Variants in ASIC2 observed in about 807,000 individuals in gnomAD.
ASIC2 encodes acid sensing ion channel subunit 2.
ASIC2 carries 25 observed loss-of-function variants against 57.3 expected under a neutral mutation model. The ratio of observed to expected loss-of-function variants is 0.44; its 90% confidence interval spans 0.32 to 0.61. ASIC2 has a LOEUF of 0.61. Among genes scored for constraint, ASIC2 ranks in the 20% least tolerant of loss-of-function variants. ASIC2 has a pLI of 0.06. For synonymous variants in ASIC2, 319 were observed against 307.5 expected (o/e 1.04, Z -0.39); for missense variants, 641 against 738.1 (o/e 0.87, Z 1.52).
intron 1 of ASIC2, among the ~76,000 whole-genome samples, chr17:33,646,837 C>T (rs1906757337): frequency 6.6e-6 from 1 of 151,668 alleles, no homozygotes; most frequent in Non-Finnish European, 1.5e-5. Flanking sequence ...GGCAGAGTGA[C>T]AGAGTAAAGT....
At chr17:33,997,358 T>C (rs1906197936) in intron 1 of ASIC2, among the ~76,000 whole-genome samples, 1 of 136,284 alleles carries the variant, frequency 7.3e-6, no homozygotes, top group South Asian at 2.3e-4. Flanking sequence ...TTCGCCATGT[T>C]GCCCAGGGTG....
rs149883379 is a variant in ASIC2 at position 33,140,858 on chromosome 17, A to C, written c.709-28791T>G. Among the ~76,000 whole-genome samples the C allele has an allele frequency of 5.3e-3, 810 of 152,388 alleles. 8 individuals are homozygous for C. The highest frequency in any genetic ancestry group is 6.8e-3 in the Non-Finnish European group (463 of 68,036). On this transcript the variant is annotated intron_variant, in intron 1 of 9. Coordinates refer to ENST00000225823, the MANE Select transcript of ASIC2 (RefSeq NM_183377.2). ...TGTTAAGCCCAGCCAGGGCTGCCTC[A>C]GTGAATGGGGCTCCCCTGGGGCACA... is the stretch of plus-strand genomic sequence containing the variant.
chr17:33,097,331 G>A (rs569815585), intron 2 of ASIC2, among the ~76,000 whole-genome samples: 44 of 152,332 alleles, frequency 2.9e-4, no homozygotes, highest in African/African-American at 1.0e-3. Context: ...CCTGAGGCAG[G>A]TGTCAATATC....
intron 1 of ASIC2, among the ~76,000 whole-genome samples, chr17:33,974,647 T>TCCATCCAC (rs1555576614): frequency 6.6e-5 from 10 of 151,466 alleles, no homozygotes; most frequent in African/African-American, 1.9e-4. Flanking sequence ...CATCCATCCA[T>TCCATCCAC]AGAGCCCTGC....
intron 1 of ASIC2, among the ~76,000 whole-genome samples, chr17:33,902,472 T>C (rs142383732): frequency 1.3e-5 from 2 of 152,328 alleles, no homozygotes; most frequent in East Asian, 1.9e-4. Flanking sequence ...TGTTTTAAAG[T>C]AGATATCAAA....
chr17:33,791,411 T>G (rs1041296877), intron 1 of ASIC2, among the ~76,000 whole-genome samples: 1 of 152,152 alleles, frequency 6.6e-6, no homozygotes, highest in Admixed American at 6.5e-5. Context: ...ATAGATTCCT[T>G]TTGCTGTAGA....
At chr17:33,954,929 T>G (rs547533329) in intron 1 of ASIC2, 2 of 152,354 alleles carry the variant, frequency 1.3e-5, no homozygotes, top group East Asian at 3.9e-4. Flanking sequence ...GAAATGTTCT[T>G]CTGTGGGGAA....
intron 1 of ASIC2, chr17:34,038,747 G>A (rs1201638943): frequency 1.9e-6 from 3 of 1,609,576 alleles, no homozygotes; most frequent in Non-Finnish European, 1.7e-6. Context: ...TTCTTTTAAC[G>A]TTAACGTTTC....
intron 1 of ASIC2, among the ~76,000 whole-genome samples, chr17:33,868,569 A>G (rs1158683507): frequency 6.6e-6 from 1 of 152,214 alleles, no homozygotes; most frequent in Non-Finnish European, 1.5e-5. Context: ...ATATGGCACT[A>G]CAAGTACAAG....
intron 1 of ASIC2, among the ~76,000 whole-genome samples, chr17:33,679,845 C>T (rs370337400): frequency 1.1e-4 from 17 of 152,040 alleles, no homozygotes; most frequent in African/African-American, 3.6e-4. Flanking sequence ...AAAAAAACAG[C>T]GTGATTCATG....
At chr17:33,682,659 G>A (rs1051818352) in intron 1 of ASIC2, among the ~76,000 whole-genome samples, 1 of 151,834 alleles carries the variant, frequency 6.6e-6, no homozygotes, top group African/African-American at 2.4e-5. Context: ...TGCTGAGCCA[G>A]TGCAAACCTT....
At chr17:34,039,916 G>T in intron 1 of ASIC2, 1 of 1,533,916 alleles carries the variant, frequency 6.5e-7, no homozygotes, top group Non-Finnish European at 9.0e-7. Context: ...CTCCTCCCTG[G>T]AGGGACCCCG....
At chr17:33,890,756 A>T (rs1310990316) in intron 1 of ASIC2, among the ~76,000 whole-genome samples, 2 of 152,040 alleles carry the variant, frequency 1.3e-5, no homozygotes, top group Non-Finnish European at 2.9e-5. Flanking sequence ...AGCTGCTTTC[A>T]CTCTCTGCAG....
chr17:33,999,023 TC>T (rs1906249602), intron 1 of ASIC2, among the ~76,000 whole-genome samples: 1 of 152,166 alleles, frequency 6.6e-6, no homozygotes, highest in Admixed American at 6.5e-5. Flanking sequence ...AATATTTCCT[TC>T]ATATATTTAG....
At chr17:33,658,250 A>G (rs1326846208) in intron 1 of ASIC2, among the ~76,000 whole-genome samples, 1 of 152,212 alleles carries the variant, frequency 6.6e-6, no homozygotes, top group Non-Finnish European at 1.5e-5. Context: ...AGGCCCCTGC[A>G]CTCATCAGAA....
At chr17:33,949,785 G>A (rs765867540) in intron 1 of ASIC2, among the ~76,000 whole-genome samples, 14 of 152,228 alleles carry the variant, frequency 9.2e-5, no homozygotes, top group Non-Finnish European at 1.9e-4. Context: ...GGAAGAGATA[G>A]TCATAGAAAG....
At chr17:33,306,297 CCTGT>C (rs1906170653) in intron 1 of ASIC2, among the ~76,000 whole-genome samples, 1 of 152,128 alleles carries the variant, frequency 6.6e-6, no homozygotes. Context: ...GCTAATGTGT[CCTGT>C]CTATTAGCTT....
At chr17:33,338,395 G>T (rs1907604537) in intron 1 of ASIC2, among the ~76,000 whole-genome samples, 1 of 152,180 alleles carries the variant, frequency 6.6e-6, no homozygotes, top group South Asian at 2.1e-4. Flanking sequence ...GGTTAGTGCT[G>T]GGCTTGTGGG....
intron 1 of ASIC2, among the ~76,000 whole-genome samples, chr17:33,805,002 C>T (rs1461290285): frequency 6.6e-6 from 1 of 152,068 alleles, no homozygotes; most frequent in East Asian, 1.9e-4. Flanking sequence ...TTAAAACTCC[C>T]TGCTCATCCC....
Sources: gnomAD v4.1 joint callset for allele counts (sites outside exome capture counted in the v4.1 genomes callset) on GRCh38, gnomAD v4.1.1 for gene constraint, MANE v1.5 for transcripts, NCBI Gene and HGNC (gene_info 2026-07-23, HGNC 2026-07-21) for gene names.